HDAC9: variants seen among roughly 807,000 people sequenced by gnomAD.
HDAC9 encodes the protein histone deacetylase 9, also known as MEF-2 interacting transcription repressor (MITR) protein.
A neutral mutation model predicts 139.4 loss-of-function variants in HDAC9; 41 were observed. The observed-to-expected ratio is 0.29, with a 90% CI of 0.23 to 0.38. The LOEUF (loss-of-function observed/expected upper bound fraction) is 0.38. HDAC9 is among the 10% of genes least tolerant of loss of function. HDAC9 has a pLI of 1.00. For missense variants in HDAC9, 1,147 were observed against 1,297.0 expected (o/e 0.88, Z 1.78); for synonymous variants, 517 against 476.2 (o/e 1.09, Z -1.12).
intron 1 of HDAC9, among the ~76,000 whole-genome samples, chr7:18,427,446 T>A (rs1227024372): frequency 6.6e-6 from 1 of 152,100 alleles, no homozygotes; most frequent in Non-Finnish European, 1.5e-5. Context: ...TAGTCATTCA[T>A]TCATTTTAGA....
chr7:18,611,329 A>G (rs1837078119), intron 6 of HDAC9, among the ~76,000 whole-genome samples: 1 of 152,162 alleles, frequency 6.6e-6, no homozygotes, highest in South Asian at 2.1e-4. Flanking sequence ...CAAGAATAAT[A>G]TATATTTGTT....
intron 2 of HDAC9, among the ~76,000 whole-genome samples, chr7:18,584,311 G>T (rs1828785295): frequency 6.6e-6 from 1 of 151,724 alleles, no homozygotes; most frequent in South Asian, 2.1e-4. Flanking sequence ...TGTATTTTTA[G>T]TAGAGAAGGG....
At chr7:18,891,863 A>G (rs1563028216) in intron 22 of HDAC9, among the ~76,000 whole-genome samples, 1 of 152,210 alleles carries the variant, frequency 6.6e-6, no homozygotes, top group African/African-American at 2.4e-5. Context: ...AGGTCTTTGT[A>G]TGAATGGATT....
At chr7:18,438,991 A>C (rs1267418750) in intron 1 of HDAC9, among the ~76,000 whole-genome samples, 1 of 152,070 alleles carries the variant, frequency 6.6e-6, no homozygotes, top group Non-Finnish European at 1.5e-5. Flanking sequence ...ATGTGTGTGC[A>C]TACTGTGGAT....
chr7:18,144,542 C>T (rs1431584770), intron 1 of HDAC9, among the ~76,000 whole-genome samples: 1 of 152,226 alleles, frequency 6.6e-6, no homozygotes, highest in East Asian at 1.9e-4. Context: ...GCTTTCTGCC[C>T]AGTCTTCCTG....
chr7:18,501,443 T>A (rs996424224), intron 2 of HDAC9, among the ~76,000 whole-genome samples: 1 of 152,142 alleles, frequency 6.6e-6, no homozygotes, highest in Non-Finnish European at 1.5e-5. Flanking sequence ...TTATTTAACC[T>A]TAAAGAGGTC....
intron 1 of HDAC9, among the ~76,000 whole-genome samples, chr7:18,125,862 A>T (rs575955543): frequency 4.6e-5 from 7 of 152,300 alleles, no homozygotes; most frequent in Admixed American, 4.6e-4. Context: ...TTGAGTTTTT[A>T]AAAAACTATT....
intron 2 of HDAC9, among the ~76,000 whole-genome samples, chr7:18,209,542 C>T (rs1165732040): frequency 2.0e-5 from 3 of 152,012 alleles, no homozygotes; most frequent in Admixed American, 6.6e-5. Context: ...TACTATTATC[C>T]GGGCAAAATT....
At chr7:18,138,556 G>C (rs1206251218) in intron 1 of HDAC9, among the ~76,000 whole-genome samples, 4 of 133,488 alleles carry the variant, frequency 3.0e-5, no homozygotes, top group Non-Finnish European at 4.7e-5. Flanking sequence ...GTGTGTGTGT[G>C]TGTGTGTGCA....
At chr7:18,486,031 T>G (rs1454943319) in intron 1 of HDAC9, among the ~76,000 whole-genome samples, 1 of 152,152 alleles carries the variant, frequency 6.6e-6, no homozygotes, top group Non-Finnish European at 1.5e-5. Flanking sequence ...GGGCATCTTG[T>G]GTGGCCTTCT....
chr7:18,989,078 T>C (rs1231786298), intron 25 of HDAC9, among the ~76,000 whole-genome samples: 2 of 137,980 alleles, frequency 1.4e-5, no homozygotes, highest in South Asian at 4.9e-4. Flanking sequence ...AAGTTAATAT[T>C]GTTATGTGTG....
chr7:18,834,585 A>G (rs960316096), intron 19 of HDAC9, among the ~76,000 whole-genome samples: 1 of 149,972 alleles, frequency 6.7e-6, no homozygotes, highest in Non-Finnish European at 1.5e-5. Context: ...AGAAAAGAGC[A>G]GGAAGAAGGC....
intron 2 of HDAC9, among the ~76,000 whole-genome samples, chr7:18,519,005 C>G (rs1804127574): frequency 6.6e-6 from 1 of 152,098 alleles, no homozygotes; most frequent in Non-Finnish European, 1.5e-5. Flanking sequence ...AGCCCAGTGT[C>G]TGTATTATTA....
chr7:18,165,290 T>C (rs1787926745), intron 2 of HDAC9, among the ~76,000 whole-genome samples: 1 of 152,186 alleles, frequency 6.6e-6, no homozygotes, highest in African/African-American at 2.4e-5. Flanking sequence ...GGAAGGATAC[T>C]GGATTGTAGA....
In HDAC9 at chr7:18,330,666, T is replaced by A. The variant is rs190910609; in HGVS notation, c.-42+40151T>A. Among the ~76,000 whole-genome samples the A allele has an allele frequency of 1.8e-3, 269 of 151,730 alleles. 3 individuals are homozygous for A. The highest frequency in any genetic ancestry group is 6.2e-3 in the African/African-American group (258 of 41,490). ...CCTGTTTTCTAAAAATAAGTCACTTTTGGTTTGTTACCTTATAACACATGC... is the reference window on the plus strand; with the variant it reads ...CCTGTTTTCTAAAAATAAGTCACTTATGGTTTGTTACCTTATAACACATGC... On this transcript the variant is annotated intron_variant, in intron 1 of 3. Transcript: ENST00000413509.
chr7:18,714,592 A>G (rs977933027), intron 12 of HDAC9, among the ~76,000 whole-genome samples: 1 of 152,186 alleles, frequency 6.6e-6, no homozygotes, highest in Non-Finnish European at 1.5e-5. Context: ...CACGAGAGTG[A>G]CTTTCCACAT....
At chr7:18,218,735 C>T (rs1792485162) in intron 2 of HDAC9, among the ~76,000 whole-genome samples, 1 of 152,106 alleles carries the variant, frequency 6.6e-6, no homozygotes, top group Non-Finnish European at 1.5e-5. Context: ...AAATAGTGTT[C>T]TAAAATGAGA....
At chr7:18,473,034 G>A (rs1052276141) in intron 1 of HDAC9, among the ~76,000 whole-genome samples, 5 of 152,186 alleles carry the variant, frequency 3.3e-5, no homozygotes, top group African/African-American at 1.2e-4. Flanking sequence ...ATATGTCAAA[G>A]CCACGGAGAA....
At chr7:18,801,661 G>T (rs1255175434) in intron 17 of HDAC9, among the ~76,000 whole-genome samples, 2 of 151,950 alleles carry the variant, frequency 1.3e-5, no homozygotes, top group Non-Finnish European at 2.9e-5. Flanking sequence ...TGGGAAATTT[G>T]TTTTCTCAAC....
Sources: allele counts gnomAD v4.1 joint callset (sites outside exome capture counted in the v4.1 genomes callset), GRCh38; gene constraint gnomAD v4.1.1; transcripts MANE v1.5; gene names NCBI Gene and HGNC (gene_info 2026-07-23, HGNC 2026-07-21).